MAGI1: variants seen among roughly 807,000 people sequenced by gnomAD.
MAGI1 encodes the protein membrane-associated guanylate kinase, WW and PDZ domain-containing protein 1.
Under a neutral mutation model 139.9 loss-of-function variants are expected in MAGI1, and 58 were observed. That is an observed-to-expected ratio of 0.41 (90% CI 0.34 to 0.52). The LOEUF is 0.52. MAGI1 is among the 20% of genes least tolerant of loss of function. MAGI1 has a pLI of 0.12. For missense variants in MAGI1, 1,874 were observed against 1,901.6 expected, an observed-to-expected ratio of 0.99 and a Z score of 0.27; for synonymous variants, 812 against 737.9, an observed-to-expected ratio of 1.10 and a Z score of -1.63.
intron 1 of MAGI1, among the ~76,000 whole-genome samples, chr3:65,684,133 C>T (rs1043135307): frequency 2.2e-4 from 31 of 142,300 alleles, no homozygotes; most frequent in Non-Finnish European, 1.2e-4. Flanking sequence ...ATGATCATGC[C>T]GCTGGATTCC....
intron 10 of MAGI1, among the ~76,000 whole-genome samples, chr3:65,435,062 A>C (rs1947736739): frequency 6.6e-6 from 1 of 152,172 alleles, no homozygotes; most frequent in African/African-American, 2.4e-5. Context: ...CACGAAGTGG[A>C]CCCTCATTGG....
intron 1 of MAGI1, among the ~76,000 whole-genome samples, chr3:65,784,654 G>A (rs1440882863): frequency 6.6e-6 from 1 of 152,064 alleles, no homozygotes; most frequent in African/African-American, 2.4e-5. Flanking sequence ...GCAGTGAGCC[G>A]AGATCGCGCC....
At chr3:66,007,762 C>G (rs955208793) in intron 1 of MAGI1, among the ~76,000 whole-genome samples, 26 of 151,592 alleles carry the variant, frequency 1.7e-4, no homozygotes, top group African/African-American at 5.1e-4. Flanking sequence ...AGCCCTAGTA[C>G]AGCAATAACC....
intron 13 of MAGI1, among the ~76,000 whole-genome samples, chr3:65,394,424 G>C (rs1944220031): frequency 6.6e-6 from 1 of 152,134 alleles, no homozygotes; most frequent in Admixed American, 6.5e-5. Flanking sequence ...AGCATCCTGA[G>C]AATATGCTCT....
intron 2 of MAGI1, among the ~76,000 whole-genome samples, chr3:65,567,347 A>G (rs902212503): frequency 6.6e-6 from 1 of 152,188 alleles, no homozygotes; most frequent in Non-Finnish European, 1.5e-5. Context: ...AAAAAGTATG[A>G]AAAGGAATGA....
Position 66,038,221 on chromosome 3 carries a change from C to T in MAGI1, c.88G>A (p.Val30Met). ...VKRGPQGELG[V>M]TVLGGAEHGE... ...TGCTCCGCGCCTCCCAGCACCGTCA[C>T]CCCCAGCTCGCCCTGGGGTCCCCGC... Residue 30 changes from valine to methionine, a missense_variant, in exon 1 of 23, where the codon GTG becomes ATG. Val to Met is a conservative substitution (Grantham distance 21). Transcript: ENST00000402939. 5 of 1,611,912 alleles carry T rather than the reference C, an allele frequency of 3.1e-6. No homozygotes were observed. Among genetic ancestry groups the T allele is most frequent in the Non-Finnish European group, 3.4e-6 (4 of 1,179,562 alleles).
chr3:66,018,345 C>T (rs1166276422), intron 1 of MAGI1, among the ~76,000 whole-genome samples: 1 of 152,148 alleles, frequency 6.6e-6, no homozygotes, highest in African/African-American at 2.4e-5. Flanking sequence ...CTCTAGTACC[C>T]CAGAGGTGAC....
chr3:65,697,293 G>A (rs1397107906), intron 1 of MAGI1, among the ~76,000 whole-genome samples: 2 of 151,500 alleles, frequency 1.3e-5, no homozygotes, highest in African/African-American at 4.9e-5. Context: ...TCTATCAGAG[G>A]TACAAGGAGG....
At chr3:65,561,956 T>G (rs1034024904) in intron 2 of MAGI1, among the ~76,000 whole-genome samples, 2 of 152,246 alleles carry the variant, frequency 1.3e-5, no homozygotes. Context: ...TACAATAAGA[T>G]ATTTTTCAAG....
At chr3:65,369,508 G>T (rs1019867447) in intron 18 of MAGI1, among the ~76,000 whole-genome samples, 2 of 151,600 alleles carry the variant, frequency 1.3e-5, no homozygotes, top group Non-Finnish European at 2.9e-5. Context: ...AGACGTGATG[G>T]ATTCTTTTTT....
chr3:65,359,109 C>CT, intron 22 of MAGI1: 1 of 1,614,076 alleles, frequency 6.2e-7, no homozygotes, highest in African/African-American at 1.3e-5. Context: ...CCTCCCCGAG[C>CT]TTTTCATTTC....
At chr3:65,711,194 C>T (rs904513608) in intron 1 of MAGI1, among the ~76,000 whole-genome samples, 3 of 152,120 alleles carry the variant, frequency 2.0e-5, no homozygotes, top group Non-Finnish European at 4.4e-5. Context: ...AAAGTTTCTG[C>T]CTTCATGAAG....
chr3:65,717,605 C>T (rs2032429617), intron 1 of MAGI1: 1 of 152,158 alleles, frequency 6.6e-6, no homozygotes, highest in Non-Finnish European at 1.5e-5. Context: ...ATATATGTGC[C>T]TAGAAACTGA....
intron 1 of MAGI1, among the ~76,000 whole-genome samples, chr3:65,974,723 C>T (rs776918616): frequency 1.3e-5 from 2 of 152,104 alleles, no homozygotes; most frequent in Admixed American, 6.5e-5. Context: ...TCACTGTGTG[C>T]GCCTCTCCAC....
At chr3:65,663,029 G>A (rs1201573200) in intron 1 of MAGI1, among the ~76,000 whole-genome samples, 2 of 152,122 alleles carry the variant, frequency 1.3e-5, no homozygotes, top group African/African-American at 2.4e-5. Context: ...TGTTTCAAAG[G>A]AGGTACACCT....
chr3:65,943,083 T>C (rs1193308248), intron 1 of MAGI1, among the ~76,000 whole-genome samples: 2 of 152,216 alleles, frequency 1.3e-5, no homozygotes, highest in Non-Finnish European at 1.5e-5. Flanking sequence ...GGTATATAAG[T>C]GCTTGTTAAA....
Position 66,010,077 on chromosome 3 carries a change from CAAAAAAAAAAAA to C in MAGI1, c.313+27907_313+27918del, listed in dbSNP as rs60882502. 2.3e-4 allele frequency among the ~76,000 whole-genome samples: 16 copies of C among 69,780 alleles called. 1 individual carries two copies. The highest frequency in any genetic ancestry group is 1.5e-3 in the East Asian group (3 of 1,980). 45.8% of individuals were successfully genotyped at this position (69,780 alleles called of 152,430 possible). A position where few individuals can be genotyped will look rare whatever the true frequency, so the allele number is the denominator to read the frequency against. ...GGTGACAAAGTGATACTCTCTGTCT[CAAAAAAAAAAAA>C]AAAAAAAAAAAAAAAGAATCATTGT... On this transcript the variant is annotated intron_variant, in intron 1 of 22. Transcript: ENST00000402939.
At chr3:65,796,330 G>C (rs934719754) in intron 1 of MAGI1, among the ~76,000 whole-genome samples, 2 of 152,160 alleles carry the variant, frequency 1.3e-5, no homozygotes, top group African/African-American at 4.8e-5. Context: ...GCTTTGCTCT[G>C]AATCTATTAA....
At chr3:65,626,329 T>C (rs74618129) in intron 1 of MAGI1, among the ~76,000 whole-genome samples, 1 of 152,270 alleles carries the variant, frequency 6.6e-6, no homozygotes, top group East Asian at 1.9e-4. Context: ...CATTTTACTT[T>C]TTTTATTTTT....
Sources: gnomAD v4.1 joint callset for allele counts (sites outside exome capture counted in the v4.1 genomes callset) on GRCh38, gnomAD v4.1.1 for gene constraint, MANE v1.5 for transcripts, NCBI Gene and HGNC (gene_info 2026-07-23, HGNC 2026-07-21) for gene names.